The following HDAC11 variants were observed in gnomAD, a reference collection of about 807,000 sequenced individuals.
HDAC11 encodes histone deacetylase 11.
A neutral mutation model predicts 41.1 loss-of-function variants in HDAC11; 23 were observed. The ratio of observed to expected loss-of-function variants is 0.56; its 90% CI spans 0.40 to 0.79. The LOEUF (loss-of-function observed/expected upper bound fraction) is 0.79, where lower values mean the gene tolerates loss of function less well. Ranked by LOEUF, HDAC11 falls within the 30% of genes least tolerant of loss-of-function variation. The pLI is 0.00. For synonymous variants in HDAC11, 187 were observed against 186.6 expected (o/e 1.00, Z -0.02); for missense variants, 402 against 477.3 (o/e 0.84, Z 1.47).
intron 3 of HDAC11, among the ~76,000 whole-genome samples, chr3:13,494,654 C>T (rs566311400): frequency 7.2e-5 from 11 of 152,326 alleles, no homozygotes; most frequent in South Asian, 2.1e-4. Flanking sequence ...CTCTCCTTCC[C>T]GACCATGAGT....
intron 3 of HDAC11, among the ~76,000 whole-genome samples, chr3:13,492,696 A>G (rs1701921027): frequency 6.6e-6 from 1 of 152,148 alleles, no homozygotes; most frequent in Non-Finnish European, 1.5e-5. Flanking sequence ...GGCACCTGCC[A>G]CCATGCCCGG....
chr3:13,487,436 G>C (rs1383771498), intron 3 of HDAC11, among the ~76,000 whole-genome samples: 1 of 152,196 alleles, frequency 6.6e-6, no homozygotes, highest in Non-Finnish European at 1.5e-5. Flanking sequence ...TGTGGCCTTT[G>C]ATACTTAATA....
intron 4 of HDAC11, among the ~76,000 whole-genome samples, chr3:13,497,799 A>G (rs1326128563): frequency 2.0e-5 from 3 of 151,872 alleles, no homozygotes; most frequent in African/African-American, 7.3e-5. Flanking sequence ...CCCATCCCCA[A>G]AACTATGATT....
At chr3:13,493,435 G>A (rs946079343) in intron 3 of HDAC11, among the ~76,000 whole-genome samples, 1 of 152,250 alleles carries the variant, frequency 6.6e-6, no homozygotes, top group Admixed American at 6.5e-5. Context: ...GGAACCTTCT[G>A]CAATGATGGA....
intron 8 of HDAC11, 134 bp downstream of exon 8, chr3:13,503,114 AT>A: frequency 1.6e-6 from 1 of 612,604 alleles, no homozygotes; most frequent in Non-Finnish European, 2.9e-6. Flanking sequence ...GATCCTTTCC[AT>A]TTTACAGATG....
intron 3 of HDAC11, among the ~76,000 whole-genome samples, chr3:13,493,768 T>G (rs576661815): frequency 2.0e-5 from 3 of 152,300 alleles, no homozygotes; most frequent in Admixed American, 2.0e-4. Context: ...ACACACATAC[T>G]TTCTCCTGTG....
intron 3 of HDAC11, among the ~76,000 whole-genome samples, chr3:13,494,555 C>T (rs1202442042): frequency 6.6e-6 from 1 of 152,192 alleles, no homozygotes; most frequent in African/African-American, 2.4e-5. Flanking sequence ...GGTCCCAGCT[C>T]TTACACTCCC....
At chr3:13,483,588 GC>G in intron 3 of HDAC11, 24 bp downstream of exon 3, 1 of 1,581,082 alleles carries the variant, frequency 6.3e-7, no homozygotes. Context: ...GGCCTGGGGG[GC>G]TGCGGGCCTG....
chr3:13,490,539 G>T (rs1701803475), intron 3 of HDAC11, among the ~76,000 whole-genome samples: 1 of 151,894 alleles, frequency 6.6e-6, no homozygotes, highest in African/African-American at 2.4e-5. Flanking sequence ...AGCTTTCAAT[G>T]GACAAATCTT....
chr3:13,489,055 C>T (rs1007151161), intron 3 of HDAC11, among the ~76,000 whole-genome samples: 8 of 152,050 alleles, frequency 5.3e-5, no homozygotes, highest in African/African-American at 1.7e-4. Context: ...TTGTATATGT[C>T]ATTTGGAGAA....
intron 3 of HDAC11, among the ~76,000 whole-genome samples, chr3:13,486,620 C>T (rs553280340): frequency 2.1e-5 from 3 of 142,132 alleles, no homozygotes; most frequent in African/African-American, 8.2e-5. Flanking sequence ...GCTTTGTTGC[C>T]CAGGCTCGAG....
At chr3:13,484,650 C>T (rs950832007) in intron 3 of HDAC11, among the ~76,000 whole-genome samples, 4 of 152,206 alleles carry the variant, frequency 2.6e-5, no homozygotes, top group Admixed American at 6.5e-5. Context: ...CCTCAGCCTC[C>T]GAAGTAGCTG....
At chr3:13,503,068 AAGC>A in intron 8 of HDAC11, 88 bp downstream of exon 8, 1 of 944,890 alleles carries the variant, frequency 1.1e-6, no homozygotes, top group Non-Finnish European at 1.7e-6. Context: ...GGCCCTGCAG[AAGC>A]CACTGCAGTG....
At position 13,502,342 on chromosome 3, in the gene HDAC11, C is replaced by T. The variant is rs1702409221; in HGVS notation, c.552+409C>T. 1 of 209,728 alleles carries T rather than the reference C, an allele frequency of 4.8e-6. No individual in the cohort carries two copies. Among genetic ancestry groups the T allele is most frequent in the Non-Finnish European group, 9.6e-6 (1 of 104,712 alleles). 13.0% of individuals were successfully genotyped at this position (209,728 alleles called of 1,614,324 possible). ...GGCTTGGCTCGGGCACCTGGGGTCA[C>T]CATTTAAGAACTCGGCGCCTAGGGA... On this transcript the variant is annotated intron_variant, in intron 7 of 9. Transcript: ENST00000295757. The surrounding 1 kb of genome is among the most constrained non-coding windows in gnomAD (Gnocchi z 4.1).
chr3:13,484,777 C>T (rs939049632), intron 3 of HDAC11, among the ~76,000 whole-genome samples: 10 of 152,218 alleles, frequency 6.6e-5, no homozygotes, highest in African/African-American at 2.4e-4. Context: ...TGCTTGTGAC[C>T]TCTTTCCAGA....
chr3:13,480,358 C>A lies in HDAC11; in HGVS notation c.2+9C>A. 2.5e-6 allele frequency: 3 copies of A among 1,213,508 alleles called. No individual in the cohort carries two copies. The highest frequency in any genetic ancestry group is 3.1e-6 in the Non-Finnish European group (3 of 975,868). 75.2% of individuals were successfully genotyped at this position (1,213,508 alleles called of 1,614,324 possible). A position where few individuals can be genotyped will look rare whatever the true frequency, so the allele number is the denominator to read the frequency against. On this transcript the variant is annotated intron_variant, in intron 1 of 9. Coordinates refer to ENST00000295757, the MANE Select transcript of HDAC11 (RefSeq NM_024827.4). The surrounding 1 kb of genome is among the most constrained non-coding windows in gnomAD (Gnocchi z 4.6). ...AGGGCCGGCCCCGGGATGTGAGTGC[C>A]GCGGGGCGAGGGCGGGGGTGGGCTC...
intron 3 of HDAC11, among the ~76,000 whole-genome samples, chr3:13,492,238 T>G (rs1317922667): frequency 6.6e-6 from 1 of 152,206 alleles, no homozygotes; most frequent in South Asian, 2.1e-4. Context: ...GCCTGGCTGT[T>G]ACAGGCCCTT....
chr3:13,488,384 C>T (rs2125002566), intron 3 of HDAC11, among the ~76,000 whole-genome samples: 1 of 152,320 alleles, frequency 6.6e-6, no homozygotes, highest in Admixed American at 6.5e-5. Flanking sequence ...TTTCATCACT[C>T]CAAAAGGAAA....
At chr3:13,491,970 G>C (rs1235131048) in intron 3 of HDAC11, among the ~76,000 whole-genome samples, 2 of 152,272 alleles carry the variant, frequency 1.3e-5, no homozygotes, top group African/African-American at 2.4e-5. Flanking sequence ...GTCTTGGGTA[G>C]AGACTGGGAA....
Sources: allele counts gnomAD v4.1 joint callset (sites outside exome capture counted in the v4.1 genomes callset), GRCh38; gene constraint gnomAD v4.1.1; non-coding constraint Gnocchi (gnomAD v3.1); transcripts MANE v1.5; gene names NCBI Gene and HGNC (gene_info 2026-07-23, HGNC 2026-07-21).